ZNF106: variants seen among roughly 807,000 people sequenced by gnomAD.
ZNF106 encodes the protein SH3-domain binding protein 3.
A neutral mutation model predicts 195.1 loss-of-function variants in ZNF106; 67 were observed. The observed-to-expected ratio is 0.34, with a 90% confidence interval of 0.28 to 0.42. The LOEUF (loss-of-function observed/expected upper bound fraction) is 0.42, where lower values mean the gene tolerates loss of function less well. ZNF106 is among the 10% of genes least tolerant of loss of function. ZNF106 has a pLI of 1.00. For synonymous variants in ZNF106, 784 were observed against 818.6 expected, an observed-to-expected ratio of 0.96 and a Z score of 0.72; for missense variants, 2,118 against 2,304.5, an observed-to-expected ratio of 0.92 and a Z score of 1.66.
At chr15:42,432,794 AG>A (rs1226965959) in intron 14 of ZNF106, among the ~76,000 whole-genome samples, 1 of 151,966 alleles carries the variant, frequency 6.6e-6, no homozygotes, top group Admixed American at 6.6e-5. Context: ...CTGAGGCGGA[AG>A]GATCACTTGA....
rs532282020 is a variant in ZNF106 at position 42,471,125 on chromosome 15, G to A, written c.54+1111C>T. 2.6e-5 allele frequency among the ~76,000 whole-genome samples: 4 copies of A among 152,220 alleles called. No homozygotes were observed. The South Asian group carries it at 8.3e-4, about 32-fold the overall frequency. On this transcript the variant is annotated intron_variant, in intron 2 of 21. Coordinates refer to ENST00000564754, the MANE Select transcript of ZNF106 (RefSeq NM_001366845.3). ...AGATGAGCCTTCTTGCCAACTCCTA[G>A]AACTGTCATACTCCATTCCATTTGT... is the stretch of plus-strand genomic sequence containing the variant.
chr15:42,484,267 C>T (rs2056963051), intron 1 of ZNF106, among the ~76,000 whole-genome samples: 1 of 152,132 alleles, frequency 6.6e-6, no homozygotes, highest in African/African-American at 2.4e-5. Flanking sequence ...CTGTAACTTA[C>T]TTACACATGT....
In ZNF106 at chr15:42,444,815, A is replaced by T. The variant is rs1316009993; in HGVS notation, c.3360+12T>A. 6.2e-7 allele frequency: 1 copy of T among 1,612,540 alleles called. No homozygotes were observed. The highest frequency in any genetic ancestry group is 1.1e-5 in the South Asian group (1 of 90,804). ...ATGATCCATTTTTATTAAATCCTCC[A>T]CATGCTGTTACCTGCTGCTTGAGCA... On this transcript the variant is annotated intron_variant, in intron 8 of 21. Transcript: ENST00000564754.
rs182826408 is a variant in ZNF106, at chr15:42,465,589, T to G, written c.116+464A>C. On this transcript the variant is annotated intron_variant, in intron 3 of 21. Transcript: ENST00000564754. ...ACTGCACCTGGCCAGCATTCTTAAATACATTTAAGGTTTATATTTCAATTC... is the reference window on the plus strand; with the variant it reads ...ACTGCACCTGGCCAGCATTCTTAAAGACATTTAAGGTTTATATTTCAATTC... Among the ~76,000 whole-genome samples the G allele has an allele frequency of 7.9e-5, 12 of 152,368 alleles. No individual in the cohort carries two copies. The East Asian group carries it at 2.3e-3, about 29-fold the overall frequency.
rs1259604652 is a variant in ZNF106 at position 42,413,787 on chromosome 15, A to G, written c.*3517T>C. 6.6e-6 allele frequency: 1 copy of G among 152,450 alleles called. No homozygotes were observed. The highest frequency in any genetic ancestry group is 1.5e-5 in the Non-Finnish European group (1 of 68,044). The allele number at this position is 152,450 out of a possible 1,614,324, so 9.4% of individuals were successfully genotyped here. A position where few individuals can be genotyped will look rare whatever the true frequency, so the allele number is the denominator to read the frequency against. ...ATTTTTCCCACAAAAGCAGGAGTGCAGTAGTAAGTAATGACTTTCTCTCAG... is the reference window on the plus strand; with the variant it reads ...ATTTTTCCCACAAAAGCAGGAGTGCGGTAGTAAGTAATGACTTTCTCTCAG... On this transcript the variant is annotated 3_prime_UTR_variant, in exon 22 of 22. Coordinates refer to ENST00000564754, the MANE Select transcript of ZNF106 (RefSeq NM_001366845.3).
At position 42,439,523 on chromosome 15, in the gene ZNF106, G is replaced by C. The variant is rs563768737; in HGVS notation, c.4054C>G (p.Pro1352Ala). ...GCCTGTTGTTCAGGCTGGTCAGCTG[G>C]AGAGTGGGGTTCCTTCTCCAAAGGG... ...ETPLEKEPHS[P>A]ADQPEQQAES... Residue 1352 changes from proline to alanine, a missense_variant, in exon 11 of 22, where the codon CCA (proline) becomes GCA (alanine). Coordinates refer to ENST00000564754, the MANE Select transcript of ZNF106 (RefSeq NM_001366845.3). 45 of 1,614,196 alleles carry C rather than the reference G, an allele frequency of 2.8e-5. No individual in the cohort carries two copies. The African/African-American group carries it at 5.1e-4, about 18-fold the overall frequency.
Position 42,424,017 on chromosome 15 carries a change from A to G in ZNF106, c.5234T>C (p.Val1745Ala). Residue 1745 changes from valine to alanine, a missense_variant, in exon 17 of 22, where the codon GTC (valine) becomes GCC (alanine). By Grantham distance (64) the Val-to-Ala change is moderately conservative (BLOSUM62 0). Coordinates refer to ENST00000564754, the MANE Select transcript of ZNF106 (RefSeq NM_001366845.3). ...LVFSGSSDQS[V>A]HAHNIHTGEL... ...GCTTACGTGAATGTTGTGAGCATGG[A>G]CTGACTGATCACTGGAGCCACTGAA... The G allele has an allele frequency of 1.2e-6, 2 of 1,613,022 alleles. No individual in the cohort carries two copies. The highest frequency in any genetic ancestry group is 8.5e-7 in the Non-Finnish European group (1 of 1,179,774).
Position 42,454,564 on chromosome 15 carries a change from AG to A in ZNF106, c.317+2393del, listed in dbSNP as rs1327750407. Among the ~76,000 whole-genome samples, 3 of 151,540 alleles carry A rather than the reference AG, an allele frequency of 2.0e-5. No individual in the cohort carries two copies. The East Asian group carries it at 5.8e-4, about 29-fold the overall frequency. Reference sequence around the variant, plus strand: ...AAGTTAAAAATTCATGAAGGAAAAAAGAAAAAAAAAAATACTCCTGAAGAAG... The same window carrying A: ...AAGTTAAAAATTCATGAAGGAAAAAAAAAAAAAAAAATACTCCTGAAGAAG... On this transcript the variant is annotated intron_variant, in intron 4 of 21. Coordinates refer to ENST00000564754, the MANE Select transcript of ZNF106 (RefSeq NM_001366845.3).
chr15:42,415,197 C>T lies in ZNF106; in HGVS notation c.*2107G>A. 4.2e-6 allele frequency: 1 copy of T among 237,966 alleles called. No individual in the cohort carries two copies. The highest frequency in any genetic ancestry group is 8.5e-6 in the Non-Finnish European group (1 of 116,972). The allele number at this position is 237,966 out of a possible 1,614,324, so 14.7% of individuals were successfully genotyped here. A position where few individuals can be genotyped will look rare whatever the true frequency, so the allele number is the denominator to read the frequency against. On this transcript the variant is annotated 3_prime_UTR_variant, in exon 22 of 22. Transcript: ENST00000564754. ...AGTGCAGTAGTATGATCTTGGCTCA[C>T]TGCAACTTCTACCTCCAGGGTTCAA... is the stretch of plus-strand genomic sequence containing the variant.
At chr15:42,475,123 C>G (rs1333496603) in intron 1 of ZNF106, among the ~76,000 whole-genome samples, 1 of 152,230 alleles carries the variant, frequency 6.6e-6, no homozygotes, top group Admixed American at 6.5e-5. Context: ...CAACCCACTT[C>G]ATAATATTAC....
intron 14 of ZNF106, among the ~76,000 whole-genome samples, chr15:42,431,881 T>G (rs994597623): frequency 6.6e-6 from 1 of 152,176 alleles, no homozygotes; most frequent in African/African-American, 2.4e-5. Context: ...CCCAAAGTGC[T>G]GGGATTACAG....
chr15:42,419,503 C>T (rs551086551), intron 20 of ZNF106, among the ~76,000 whole-genome samples: 20 of 151,570 alleles, frequency 1.3e-4, no homozygotes, highest in East Asian at 5.8e-4. Context: ...GTGACCACAC[C>T]GCTGCACTCC....
rs368902377 is a variant in ZNF106 at position 42,450,175 on chromosome 15, A to G, written c.2097T>C (p.Asp699=). 1 of 1,614,092 alleles carries G rather than the reference A, an allele frequency of 6.2e-7. No homozygotes were observed. Among genetic ancestry groups the G allele is most frequent in the Non-Finnish European group, 8.5e-7 (1 of 1,180,040 alleles). ...LLLDLKTSLE[D]AQVDDSIKSH... ...ATTTAATAGAGTCATCAACCTGTGCATCTTCTAGAGAGGTTTTCAAGTCTA... is the reference window on the plus strand; with the variant it reads ...ATTTAATAGAGTCATCAACCTGTGCGTCTTCTAGAGAGGTTTTCAAGTCTA... The change falls in exon 5 of 22, where the codon GAT becomes GAC. Residue 699 remains aspartate, a synonymous_variant. Transcript: ENST00000564754.
In ZNF106 at chr15:42,451,756, A is replaced by G; in HGVS notation, c.516T>C (p.His172=). The G allele has an allele frequency of 1.2e-6, 2 of 1,614,214 alleles. No individual in the cohort carries two copies. Among genetic ancestry groups the G allele is most frequent in the Non-Finnish European group, 1.7e-6 (2 of 1,180,026 alleles). Residue 172 remains histidine, a synonymous_variant, in exon 5 of 22, where the codon CAT becomes CAC. Transcript: ENST00000564754. ...TTGGTCCACCACCATTCCTCAAAGAATGTGGAAAGCTGTTTTTCCTAGTAT... is the reference window on the plus strand; with the variant it reads ...TTGGTCCACCACCATTCCTCAAAGAGTGTGGAAAGCTGTTTTTCCTAGTAT... ...FNNTRKNSFP[H]SLRNGGGPRG...
intron 3 of ZNF106, among the ~76,000 whole-genome samples, chr15:42,463,852 T>C (rs2056451677): frequency 6.6e-6 from 1 of 151,872 alleles, no homozygotes; most frequent in Non-Finnish European, 1.5e-5. Flanking sequence ...TAAAATTGAG[T>C]GAGTGACAGT....
At chr15:42,456,822 T>C in intron 4 of ZNF106, 136 bp downstream of exon 4, 1 of 782,892 alleles carries the variant, frequency 1.3e-6, no homozygotes, top group Non-Finnish European at 2.0e-6. Context: ...TGCCCTTTGA[T>C]TAGTAAGACA....
chr15:42,439,009 A>C, intron 11 of ZNF106, 24 bp downstream of exon 11: 3 of 1,578,468 alleles, frequency 1.9e-6, no homozygotes, highest in Non-Finnish European at 2.6e-6. Flanking sequence ...AGTTGTTCTG[A>C]CTGGACCAAT....
intron 1 of ZNF106, among the ~76,000 whole-genome samples, chr15:42,486,001 A>G (rs1437622350): frequency 7.1e-6 from 1 of 140,694 alleles, no homozygotes; most frequent in East Asian, 2.0e-4. Flanking sequence ...CTCTGTCGCC[A>G]GGCTGGAGTG....
At chr15:42,452,705 A>ATTTTT (rs1567019869) in intron 4 of ZNF106, among the ~76,000 whole-genome samples, 1 of 64,122 alleles carries the variant, frequency 1.6e-5, no homozygotes, top group Non-Finnish European at 2.7e-5. Context: ...TTTTTTTTTG[A>ATTTTT]GACAGAGTCT....
Sources: allele counts gnomAD v4.1 joint callset (sites outside exome capture counted in the v4.1 genomes callset), GRCh38; gene constraint gnomAD v4.1.1; transcripts MANE v1.5; gene names NCBI Gene and HGNC (gene_info 2026-07-23, HGNC 2026-07-21).